The following SLCO1B1 variants were observed in gnomAD, a reference collection of about 807,000 sequenced individuals.
SLCO1B1 encodes the protein OATP-2.
SLCO1B1 carries 81 observed loss-of-function variants against 70.1 expected under a neutral mutation model. The observed-to-expected ratio is 1.16, with a 90% CI of 0.97 to 1.39. SLCO1B1 has a LOEUF of 1.39. Ranked by LOEUF, SLCO1B1 falls within the 40% of genes most tolerant of loss-of-function variation. SLCO1B1 has a pLI of 0.00. For missense variants in SLCO1B1, 895 were observed against 799.6 expected (o/e 1.12, Z -1.44); for synonymous variants, 283 against 271.5 (o/e 1.04, Z -0.42).
intron 7 of SLCO1B1, among the ~76,000 whole-genome samples, chr12:21,186,183 C>T (rs1443826086): frequency 2.0e-5 from 3 of 152,028 alleles, no homozygotes. Context: ...CACAGAAACA[C>T]ATATGTACCT....
At chr12:21,150,262 G>A (rs561188310) in intron 2 of SLCO1B1, among the ~76,000 whole-genome samples, 4 of 149,716 alleles carry the variant, frequency 2.7e-5, no homozygotes, top group South Asian at 2.1e-4. Context: ...AGCTGTGGGC[G>A]CAGCTTCAGC....
At chr12:21,155,703 T>G (rs1940534217) in intron 2 of SLCO1B1, among the ~76,000 whole-genome samples, 1 of 152,116 alleles carries the variant, frequency 6.6e-6, no homozygotes, top group African/African-American at 2.4e-5. Flanking sequence ...AGCCTCAAGG[T>G]GATGACCAGT....
intron 14 of SLCO1B1, among the ~76,000 whole-genome samples, chr12:21,233,559 A>C (rs11045886): frequency 0.2 from 27,376 of 139,970 alleles, 2,884 homozygotes; most frequent in East Asian, 0.48. Flanking sequence ...CCTCAAAAAA[A>C]AAACAAACAA....
intron 11 of SLCO1B1, among the ~76,000 whole-genome samples, chr12:21,211,751 T>A (rs139856489): frequency 1.2e-4 from 18 of 152,322 alleles, no homozygotes; most frequent in African/African-American, 4.3e-4. Context: ...CTGTTATTGG[T>A]CTATTCAGAG....
At chr12:21,178,784 A>G in intron 6 of SLCO1B1, 62 bp downstream of exon 6, 1 of 1,474,824 alleles carries the variant, frequency 6.8e-7, no homozygotes, top group Non-Finnish European at 9.5e-7. Flanking sequence ...TTGAAATAGT[A>G]GAGTTACTAA....
At chr12:21,231,557 A>G (rs996692541) in intron 14 of SLCO1B1, among the ~76,000 whole-genome samples, 1 of 150,972 alleles carries the variant, frequency 6.6e-6, no homozygotes, top group Non-Finnish European at 1.5e-5. Flanking sequence ...AATTCACTCA[A>G]GTGAGAAAAA....
At chr12:21,182,956 C>G (rs1940922490) in intron 7 of SLCO1B1, among the ~76,000 whole-genome samples, 1 of 152,206 alleles carries the variant, frequency 6.6e-6, no homozygotes, top group South Asian at 2.1e-4. Flanking sequence ...AGCTCCATGG[C>G]TCAGAACAGT....
At chr12:21,180,336 T>C (rs1308344420) in intron 7 of SLCO1B1, among the ~76,000 whole-genome samples, 1 of 152,174 alleles carries the variant, frequency 6.6e-6, no homozygotes, top group African/African-American at 2.4e-5. Flanking sequence ...TTGAAGCCTC[T>C]TCCAAAATGT....
At chr12:21,142,864 T>C (rs1940330861) in intron 2 of SLCO1B1, among the ~76,000 whole-genome samples, 1 of 152,090 alleles carries the variant, frequency 6.6e-6, no homozygotes, top group Non-Finnish European at 1.5e-5. Flanking sequence ...TGATCCCTTA[T>C]AGCATATCTG....
chr12:21,142,063 A>G (rs1011931867), intron 2 of SLCO1B1, among the ~76,000 whole-genome samples: 1 of 59,892 alleles, frequency 1.7e-5, no homozygotes, highest in Admixed American at 2.8e-4. Flanking sequence ...TTATTTAAAA[A>G]TTCTTTTAAA....
intron 7 of SLCO1B1, among the ~76,000 whole-genome samples, chr12:21,192,089 T>C (rs1190282418): frequency 6.6e-6 from 1 of 151,994 alleles, no homozygotes; most frequent in East Asian, 1.9e-4. Context: ...TTTGGTGTCT[T>C]TGTCTGGCTT....
intron 7 of SLCO1B1, among the ~76,000 whole-genome samples, chr12:21,183,219 T>G (rs938357642): frequency 1.3e-5 from 2 of 149,458 alleles, no homozygotes; most frequent in African/African-American, 5.1e-5. Flanking sequence ...TATTTGAGAC[T>G]GTACCTCACT....
intron 2 of SLCO1B1, among the ~76,000 whole-genome samples, chr12:21,167,975 C>T (rs1389648253): frequency 2.2e-5 from 3 of 139,432 alleles, no homozygotes; most frequent in African/African-American, 6.0e-5. Context: ...TACCACCATG[C>T]GCAGGTAATT....
intron 2 of SLCO1B1, among the ~76,000 whole-genome samples, chr12:21,157,613 T>G (rs1940558406): frequency 6.6e-6 from 1 of 151,148 alleles, no homozygotes; most frequent in Admixed American, 6.6e-5. Flanking sequence ...TTTTTTTTTT[T>G]TTTTTTGAGA....
At chr12:21,206,175 G>C in intron 11 of SLCO1B1, 142 bp downstream of exon 11, 1 of 695,864 alleles carries the variant, frequency 1.4e-6, no homozygotes, top group Non-Finnish European at 2.4e-6. Context: ...TATTGTGATG[G>C]GTGTGATGTA....
intron 11 of SLCO1B1, among the ~76,000 whole-genome samples, chr12:21,214,496 A>C (rs1941331891): frequency 6.7e-6 from 1 of 150,090 alleles, no homozygotes; most frequent in Non-Finnish European, 1.5e-5. Flanking sequence ...AAGTCTGCAG[A>C]GGTTACTGCT....
At chr12:21,238,746 C>T (rs1003119960) in intron 14 of SLCO1B1, among the ~76,000 whole-genome samples, 2 of 151,896 alleles carry the variant, frequency 1.3e-5, no homozygotes, top group African/African-American at 2.4e-5. Flanking sequence ...ATATTTTTCT[C>T]GTTTTATGAA....
chr12:21,161,049 T>C lies in SLCO1B1; in HGVS notation c.85-11601T>C, dbSNP rs374844155. Among the ~76,000 whole-genome samples the C allele has an allele frequency of 9.8e-4, 149 of 152,316 alleles. 3 individuals are homozygous for C. In the South Asian group the frequency reaches 0.03, roughly 31 times the overall value. Reference sequence around the variant, plus strand: ...GGTTGTGGAGAAAAGTGAACACTTATACACTGTTGGTGGGAGTGTAAATTA... The same window carrying C: ...GGTTGTGGAGAAAAGTGAACACTTACACACTGTTGGTGGGAGTGTAAATTA... On this transcript the variant is annotated intron_variant, in intron 2 of 14. Coordinates refer to ENST00000256958, the MANE Select transcript of SLCO1B1 (RefSeq NM_006446.5).
rs369051230 is a variant in SLCO1B1 at position 21,217,322 on chromosome 12, A to G, written c.1682+19A>G. ...TTGTTAAGTAAGTATGACTTTTAAA[A>G]ACATTTTCATATGCATGAGACTATA... On this transcript the variant is annotated intron_variant, in intron 12 of 14. Transcript: ENST00000256958. 1 of 1,601,674 alleles carries G rather than the reference A, an allele frequency of 6.2e-7. No individual in the cohort carries two copies. The highest frequency in any genetic ancestry group is 1.3e-5 in the African/African-American group (1 of 74,688).
Sources: gnomAD v4.1 joint callset for allele counts (sites outside exome capture counted in the v4.1 genomes callset) on GRCh38, gnomAD v4.1.1 for gene constraint, MANE v1.5 for transcripts, NCBI Gene and HGNC (gene_info 2026-07-23, HGNC 2026-07-21) for gene names.